The following CDC42 variants were observed in gnomAD, a reference collection of about 807,000 sequenced individuals.
CDC42 encodes cell division cycle 42.
Under a neutral mutation model 20.8 loss-of-function variants are expected in CDC42, and 1 was observed. That is an observed-to-expected ratio of 0.05 (90% CI 0.02 to 0.23). The LOEUF (loss-of-function observed/expected upper bound fraction) is 0.23, where lower values mean the gene tolerates loss of function less well. Ranked by LOEUF, CDC42 falls within the 10% of genes least tolerant of loss-of-function variation. The probability of loss-of-function intolerance (pLI) is 1.00; values close to 1 mark genes in which losing one functional copy is unlikely to be tolerated. For missense variants in CDC42, 49 were observed against 227.9 expected (o/e 0.21, Z 5.05); for synonymous variants, 72 against 84.8 (o/e 0.85, Z 0.83).
Position 22,100,253 on chromosome 1 carries a change from G to GT in CDC42, c.*8739dup, listed in dbSNP as rs1486426238. On this transcript the variant is annotated 3_prime_UTR_variant, in exon 6 of 6. Transcript: ENST00000656825. ...TCAGGGATACTCATGCAGTTTTTGA[G>GT]TTTAAGTAGTAAACTCCTAAACTTC... is the stretch of plus-strand genomic sequence containing the variant. 2.6e-5 allele frequency among the ~76,000 whole-genome samples: 4 copies of GT among 152,026 alleles called. No homozygotes were observed. The highest frequency in any genetic ancestry group is 4.4e-5 in the Non-Finnish European group (3 of 67,990).
chr1:22,085,049 T>C, intron 3 of CDC42, among the ~76,000 whole-genome samples: 1 of 152,096 alleles, frequency 6.6e-6, no homozygotes, highest in East Asian at 1.9e-4. Flanking sequence ...CTGGCCAACA[T>C]GGTGAAACCC....
At position 22,095,813 on chromosome 1, in the gene CDC42, G is replaced by C. The variant is rs1478577083; in HGVS notation, c.*4296G>C. Reference sequence around the variant, plus strand: ...AGCCTAGTTCCAGAGAGCAGTGGCTGCTTGAGTGTGGACTTGCTTATGGTG... The same window carrying C: ...AGCCTAGTTCCAGAGAGCAGTGGCTCCTTGAGTGTGGACTTGCTTATGGTG... On this transcript the variant is annotated 3_prime_UTR_variant, in exon 6 of 6. Transcript: ENST00000656825. Among the ~76,000 whole-genome samples the C allele has an allele frequency of 1.3e-5, 2 of 152,162 alleles. No homozygotes were observed. The highest frequency in any genetic ancestry group is 3.8e-4 in the East Asian group (2 of 5,196).
At chr1:22,085,014 C>T (rs1255699202) in intron 3 of CDC42, among the ~76,000 whole-genome samples, 2 of 151,986 alleles carry the variant, frequency 1.3e-5, no homozygotes, top group African/African-American at 2.4e-5. Context: ...GGCAGATCAC[C>T]TGAGGTCAGA....
At chr1:22,054,913 ATATATATATTTTTTTTTTTTTTTTTTTT>A (rs1645282669) in intron 1 of CDC42, among the ~76,000 whole-genome samples, 31 of 14,618 alleles carry the variant, frequency 2.1e-3, no homozygotes, top group South Asian at 0.014. Context: ...ATATATATAT[ATATATATATTTTTTTTTTTTTTTTTTTT>A]TTTTTTTTTT....
chr1:22,079,526 T>TA (rs1486723835), intron 2 of CDC42, among the ~76,000 whole-genome samples: 2 of 152,092 alleles, frequency 1.3e-5, no homozygotes, highest in African/African-American at 4.8e-5. Flanking sequence ...AGACAAGAGT[T>TA]AGAGTAACAC....
In CDC42 at chr1:22,081,840, C is replaced by G. The variant is rs17837977; in HGVS notation, c.178+46C>G. 138 of 1,218,196 alleles carry G rather than the reference C, an allele frequency of 1.1e-4. No homozygotes were observed. In the African/African-American group the frequency reaches 1.8e-3, roughly 16 times the overall value. 75.5% of individuals were successfully genotyped at this position (1,218,196 alleles called of 1,614,324 possible). On this transcript the variant is annotated intron_variant, in intron 3 of 5. Coordinates refer to ENST00000656825, the MANE Select transcript of CDC42 (RefSeq NM_001791.4). ...ATACTGTTTTGATCTTTAACAGTTG[C>G]TAGTTGTCTGTCTCTTGTGGACATT...
Position 22,094,651 on chromosome 1 carries a change from AG to A in CDC42, c.*3138del, listed in dbSNP as rs924926159. The stretch of plus-strand genomic sequence containing the variant: ...TCTTCAAGCTGGACTTTATGCCACA[AG>A]GGGAGTGTATTCTAAAGGGGAAGAA... On this transcript the variant is annotated 3_prime_UTR_variant, in exon 6 of 6. Coordinates refer to ENST00000656825, the MANE Select transcript of CDC42 (RefSeq NM_001791.4). Among the ~76,000 whole-genome samples the A allele has an allele frequency of 2.6e-5, 4 of 152,148 alleles. No homozygotes were observed. The highest frequency in any genetic ancestry group is 9.7e-5 in the African/African-American group (4 of 41,434).
At chr1:22,056,312 A>G (rs1433622159) in intron 1 of CDC42, among the ~76,000 whole-genome samples, 1 of 151,542 alleles carries the variant, frequency 6.6e-6, no homozygotes, top group Non-Finnish European at 1.5e-5. Flanking sequence ...TTACTAATCT[A>G]CTCTTGCTTG....
intron 4 of CDC42, 35 bp downstream of exon 4, chr1:22,086,583 C>A (rs765767296): frequency 1.9e-6 from 3 of 1,582,136 alleles, no homozygotes; most frequent in South Asian, 1.1e-5. Flanking sequence ...CTAAGAAGAT[C>A]ATCTCAGAAT....
intron 1 of CDC42, among the ~76,000 whole-genome samples, chr1:22,053,109 T>C (rs892132219): frequency 3.3e-5 from 5 of 150,930 alleles, no homozygotes; most frequent in African/African-American, 1.2e-4. Flanking sequence ...CCCGGCGGGC[T>C]CCTAAGGGCG....
Position 22,099,922 on chromosome 1 carries a change from GTCCAAGAATTCAGAGCTAGTA to G in CDC42, c.*8406_*8426del. ...TTGTCCAAGAATTCAGAGCTAGCTT[GTCCAAGAATTCAGAGCTAGTA>G]AGTGAGGGAACTGGGATTTGAATTT... On this transcript the variant is annotated 3_prime_UTR_variant, in exon 6 of 6. Coordinates refer to ENST00000656825, the MANE Select transcript of CDC42 (RefSeq NM_001791.4). Among the ~76,000 whole-genome samples the G allele has an allele frequency of 6.6e-6, 1 of 150,878 alleles. No individual in the cohort carries two copies. The highest frequency in any genetic ancestry group is 1.5e-5 in the Non-Finnish European group (1 of 67,752).
chr1:22,073,348 C>T (rs550486899), intron 1 of CDC42, among the ~76,000 whole-genome samples: 5 of 151,736 alleles, frequency 3.3e-5, no homozygotes, highest in Non-Finnish European at 7.4e-5. Context: ...ACCAGCCTGG[C>T]CAATGTGGCG....
chr1:22,086,228 A>G (rs1645661218), intron 3 of CDC42, among the ~76,000 whole-genome samples: 1 of 152,386 alleles, frequency 6.6e-6, no homozygotes, highest in South Asian at 2.1e-4. Context: ...AATAAAAGCA[A>G]ATAACATAAT....
chr1:22,075,793 A>G (rs1645543064), intron 1 of CDC42, among the ~76,000 whole-genome samples: 1 of 152,218 alleles, frequency 6.6e-6, no homozygotes, highest in Non-Finnish European at 1.5e-5. Context: ...GAATAGCTAG[A>G]GTGTGGTAGA....
chr1:22,089,848 AT>A, intron 5 of CDC42: 1 of 1,221,046 alleles, frequency 8.2e-7, no homozygotes, highest in South Asian at 1.5e-5. Context: ...GCTTCTGTGA[AT>A]TCAGCTCATT....
chr1:22,082,479 A>G (rs1645618103), intron 3 of CDC42, among the ~76,000 whole-genome samples: 1 of 152,210 alleles, frequency 6.6e-6, no homozygotes, highest in South Asian at 2.1e-4. Context: ...TCTTGTTTTC[A>G]AGAGTGGCTG....
chr1:22,069,487 T>A (rs540628358), intron 1 of CDC42, among the ~76,000 whole-genome samples: 1 of 149,522 alleles, frequency 6.7e-6, no homozygotes, highest in East Asian at 2.0e-4. Context: ...AAACAGGGTC[T>A]TGTTCTCTTA....
At chr1:22,061,761 G>A (rs552820561) in intron 1 of CDC42, among the ~76,000 whole-genome samples, 3 of 150,894 alleles carry the variant, frequency 2.0e-5, no homozygotes, top group South Asian at 2.1e-4. Flanking sequence ...AGTGGAGACC[G>A]TGTTGGCCAG....
rs577773595 is a variant in CDC42, at chr1:22,066,852, T to C, written c.-50-11577T>C. Among the ~76,000 whole-genome samples, 98 of 152,100 alleles carry C rather than the reference T, an allele frequency of 6.4e-4. 3 individuals carry two copies. In the South Asian group the frequency reaches 0.016, roughly 24 times the overall value. On this transcript the variant is annotated intron_variant, in intron 1 of 5. Coordinates refer to ENST00000656825, the MANE Select transcript of CDC42 (RefSeq NM_001791.4). ...GCCGAGGTGGGCGGATCACCTGAGGTTGGGAGTTTGAGACCAGCTTGACCA... is the reference window on the plus strand; with the variant it reads ...GCCGAGGTGGGCGGATCACCTGAGGCTGGGAGTTTGAGACCAGCTTGACCA...
Sources: gnomAD v4.1 joint callset for allele counts (sites outside exome capture counted in the v4.1 genomes callset) on GRCh38, gnomAD v4.1.1 for gene constraint, MANE v1.5 for transcripts, NCBI Gene and HGNC (gene_info 2026-07-23, HGNC 2026-07-21) for gene names.